Variants in SLC15A2 observed in about 807,000 individuals in gnomAD.
The protein encoded by SLC15A2 is solute carrier family 15 member 2.
SLC15A2 carries 77 observed loss-of-function variants against 95.5 expected under a neutral mutation model. That is an observed-to-expected ratio of 0.81 (90% CI 0.67 to 0.97). SLC15A2 has a LOEUF of 0.97. Among genes scored for constraint, SLC15A2 ranks in the 50% least tolerant of loss-of-function variants. The pLI, the probability that SLC15A2 is intolerant of heterozygous loss-of-function variation, is 0.00. For missense variants in SLC15A2, 893 were observed against 874.4 expected, an observed-to-expected ratio of 1.02 and a Z score of -0.27; for synonymous variants, 306 against 306.9, an observed-to-expected ratio of 1.00 and a Z score of 0.03.
At chr3:121,897,331 C>T in intron 2 of SLC15A2, 57 bp from the exon 3 acceptor site, 3 of 1,588,114 alleles carry the variant, frequency 1.9e-6, no homozygotes, top group Admixed American at 1.8e-5. Context: ...CCATAAGTCA[C>T]TTTAATGCAT....
chr3:121,923,156 C>A, intron 10 of SLC15A2, 27 bp downstream of exon 10: 1 of 1,612,712 alleles, frequency 6.2e-7, no homozygotes, highest in Non-Finnish European at 8.5e-7. Context: ...TGGACATTAC[C>A]GCTCCTTACA....
chr3:121,935,159 G>A (rs1016628996), intron 19 of SLC15A2, among the ~76,000 whole-genome samples: 47 of 152,242 alleles, frequency 3.1e-4, no homozygotes, highest in Middle Eastern at 6.8e-3. Context: ...TGCTGGATTC[G>A]TTTTGCCAGT....
At chr3:121,916,488 G>A (rs1430341873) in intron 7 of SLC15A2, among the ~76,000 whole-genome samples, 1 of 152,162 alleles carries the variant, frequency 6.6e-6, no homozygotes, top group Admixed American at 6.5e-5. Context: ...AATGCTCAGT[G>A]TATTTTCTAC....
At position 121,912,941 on chromosome 3, in the gene SLC15A2, TC is replaced by T. The variant is rs542374039; in HGVS notation, c.429-76del. 473 of 935,848 alleles carry T rather than the reference TC, an allele frequency of 5.1e-4. 2 individuals carry two copies. Among genetic ancestry groups the T allele is most frequent in the Admixed American group, 2.5e-3 (122 of 49,466 alleles). 58.0% of individuals were successfully genotyped at this position (935,848 alleles called of 1,614,324 possible). A position where few individuals can be genotyped will look rare whatever the true frequency, so the allele number is the denominator to read the frequency against. ...GATCTTTGCCCTTGTACACATTTTT[TC>T]CCCTCTGCAGCTCTGTAGTCCATCT... On this transcript the variant is annotated intron_variant, in intron 4 of 21. Coordinates refer to ENST00000489711, the MANE Select transcript of SLC15A2 (RefSeq NM_021082.4).
Position 121,897,459 on chromosome 3 carries a change from T to C in SLC15A2, c.265T>C (p.Phe89Leu), listed in dbSNP as rs1377805527. The change falls in exon 3 of 22, where the codon TTC (phenylalanine) becomes CTC (leucine). Residue 89 changes from phenylalanine to leucine, a missense_variant. Coordinates refer to ENST00000489711, the MANE Select transcript of SLC15A2 (RefSeq NM_021082.4). ...TACCTCCACATCTATATACCATGCC[T>C]TCAGCAGCCTCTGTTATTTTACTCC... ...EDTSTSIYHAFSSLCYFTPIL... is the reference protein window; with the variant it reads ...EDTSTSIYHALSSLCYFTPIL... The C allele has an allele frequency of 6.2e-7, 1 of 1,614,136 alleles. No homozygotes were observed. Among genetic ancestry groups the C allele is most frequent in the African/African-American group, 1.3e-5 (1 of 75,038 alleles).
rs751162905 is a variant in SLC15A2 at position 121,942,581 on chromosome 3, G to A, written c.*1574G>A. ...ACAAGCATTTCAGAAATATAAGAGC[G>A]GCAGCCAGACCAACCAGTTTTTCCA... is the stretch of plus-strand genomic sequence containing the variant. On this transcript the variant is annotated 3_prime_UTR_variant, in exon 22 of 22. Coordinates refer to ENST00000489711, the MANE Select transcript of SLC15A2 (RefSeq NM_021082.4). 6.6e-6 allele frequency: 1 copy of A among 152,078 alleles called. No homozygotes were observed. Among genetic ancestry groups the A allele is most frequent in the Non-Finnish European group, 1.5e-5 (1 of 68,032 alleles). 9.4% of individuals were successfully genotyped at this position (152,078 alleles called of 1,614,324 possible).
intron 7 of SLC15A2, among the ~76,000 whole-genome samples, chr3:121,920,591 C>T (rs1709986157): frequency 6.6e-6 from 1 of 152,166 alleles, no homozygotes; most frequent in African/African-American, 2.4e-5. Context: ...CCACCGCGCC[C>T]AGCCGTCTAG....
At chr3:121,940,756 C>G in intron 21 of SLC15A2, 75 bp from the exon 22 acceptor site, 1 of 1,482,304 alleles carries the variant, frequency 6.7e-7, no homozygotes. Flanking sequence ...AGTCTGCTCC[C>G]CACTCCTCAT....
intron 20 of SLC15A2, among the ~76,000 whole-genome samples, chr3:121,939,772 A>G (rs890985368): frequency 6.6e-6 from 1 of 151,944 alleles, no homozygotes; most frequent in Non-Finnish European, 1.5e-5. Context: ...TGCATGACCT[A>G]TTGTGTAACC....
chr3:121,921,065 T>G (rs964852628), intron 7 of SLC15A2, among the ~76,000 whole-genome samples: 7 of 152,170 alleles, frequency 4.6e-5, no homozygotes. Flanking sequence ...AAAGGAAAAT[T>G]AAAGAAATGA....
At chr3:121,927,721 A>G in intron 13 of SLC15A2, 37 bp from the exon 14 acceptor site, 1 of 1,505,674 alleles carries the variant, frequency 6.6e-7, no homozygotes, top group Non-Finnish European at 9.3e-7. Flanking sequence ...TTTAGAGTCT[A>G]AAGTTTAGAT....
intron 19 of SLC15A2, among the ~76,000 whole-genome samples, chr3:121,938,072 TGCTCAGG>T (rs1710384084): frequency 6.6e-6 from 1 of 151,876 alleles, no homozygotes; most frequent in East Asian, 1.9e-4. Context: ...CCAGTTAGGC[TGCTCAGG>T]GGTCAGGGGT....
rs1710221518 is a variant in SLC15A2, at chr3:121,930,962, G to T, written c.1664+12G>T. On this transcript the variant is annotated intron_variant, in intron 18 of 21. Transcript: ENST00000489711. ...GTGCAAAGAGGAGAGTAAGTGCATT[G>T]CCCCTGTGGACATTTTACTTTTGTC... 1 of 1,509,638 alleles carries T rather than the reference G, an allele frequency of 6.6e-7. No homozygotes were observed. Among genetic ancestry groups the T allele is most frequent in the Non-Finnish European group, 9.2e-7 (1 of 1,086,348 alleles). The allele number at this position is 1,509,638 out of a possible 1,614,324, so 93.5% of individuals were successfully genotyped here.
At chr3:121,936,461 C>T (rs922623476) in intron 19 of SLC15A2, among the ~76,000 whole-genome samples, 1 of 152,060 alleles carries the variant, frequency 6.6e-6, no homozygotes, top group Non-Finnish European at 1.5e-5. Flanking sequence ...GTATTGGGTG[C>T]ATATATATTT....
chr3:121,906,415 T>C (rs1254898934), intron 3 of SLC15A2, among the ~76,000 whole-genome samples: 1 of 152,222 alleles, frequency 6.6e-6, no homozygotes. Flanking sequence ...TGTTAGCTGG[T>C]TATTTTGCCC....
At position 121,934,815 on chromosome 3, in the gene SLC15A2, A is replaced by T. The variant is rs1320864498; in HGVS notation, c.1761+3080A>T. ...CCAACACTATGTTGAATAGGAGTGG[A>T]GAGAGAGGGCATCCCTGTCTTGTGC... On this transcript the variant is annotated intron_variant, in intron 19 of 21. Coordinates refer to ENST00000489711, the MANE Select transcript of SLC15A2 (RefSeq NM_021082.4). 4.8e-3 allele frequency among the ~76,000 whole-genome samples: 722 copies of T among 151,742 alleles called. 6 individuals are homozygous for T. The highest frequency in any genetic ancestry group is 0.016 in the African/African-American group (673 of 41,222).
rs1038810701 is a variant in SLC15A2, at chr3:121,894,502, C to A, written c.26C>A (p.Ser9Tyr). The change falls in exon 1 of 22, where the codon TCC (serine) becomes TAC (tyrosine). Residue 9 changes from serine (S) to tyrosine (Y), a missense_variant. Transcript: ENST00000489711. Reference sequence around the variant, plus strand: ...ATGAATCCTTTCCAGAAAAATGAGTCCAAGGAAACTCTTTTTTCACCTGTC... The same window carrying A: ...ATGAATCCTTTCCAGAAAAATGAGTACAAGGAAACTCTTTTTTCACCTGTC... MNPFQKNE[S>Y]KETLFSPVSI... 1.9e-6 allele frequency: 3 copies of A among 1,613,218 alleles called. No individual in the cohort carries two copies. Among genetic ancestry groups the A allele is most frequent in the Non-Finnish European group, 8.5e-7 (1 of 1,179,524 alleles).
rs78298904 is a variant in SLC15A2 at position 121,898,658 on chromosome 3, T to A, written c.335+1129T>A. Among the ~76,000 whole-genome samples, 96 of 152,342 alleles carry A rather than the reference T, an allele frequency of 6.3e-4. No homozygotes were observed. In the East Asian group the frequency reaches 0.018, roughly 28 times the overall value. The stretch of plus-strand genomic sequence containing the variant: ...CTGTTAGGCTGAGCAAAGCTAAAAA[T>A]GTTCCCTTACTGCATGACTTCTTAT... On this transcript the variant is annotated intron_variant, in intron 3 of 21. Coordinates refer to ENST00000489711, the MANE Select transcript of SLC15A2 (RefSeq NM_021082.4).
At chr3:121,919,900 C>T (rs2107592918) in intron 7 of SLC15A2, among the ~76,000 whole-genome samples, 1 of 152,212 alleles carries the variant, frequency 6.6e-6, no homozygotes, top group East Asian at 1.9e-4. Context: ...AGCAAATTAG[C>T]TGCGGATAGG....
Sources: allele counts gnomAD v4.1 joint callset (sites outside exome capture counted in the v4.1 genomes callset), GRCh38; gene constraint gnomAD v4.1.1; transcripts MANE v1.5; gene names NCBI Gene and HGNC (gene_info 2026-07-23, HGNC 2026-07-21).